Variants in ST8SIA2 observed in about 807,000 individuals in gnomAD.
ST8SIA2 encodes the protein ST8 alpha-N-acetyl-neuraminide alpha-2,8-sialyltransferase 2.
Under a neutral mutation model 37.6 loss-of-function variants are expected in ST8SIA2, and 22 were observed. That is an observed-to-expected ratio of 0.58 (90% CI 0.42 to 0.83). ST8SIA2 has a LOEUF of 0.83. Among genes scored for constraint, ST8SIA2 ranks in the 40% least tolerant of loss-of-function variants. ST8SIA2 has a pLI of 0.00. For synonymous variants in ST8SIA2, 205 were observed against 201.2 expected, an observed-to-expected ratio of 1.02 and a Z score of -0.16; for missense variants, 382 against 484.7, an observed-to-expected ratio of 0.79 and a Z score of 1.99.
chr15:92,397,871 G>A (rs1344936629), intron 1 of ST8SIA2, among the ~76,000 whole-genome samples: 2 of 152,340 alleles, frequency 1.3e-5, no homozygotes, highest in Middle Eastern at 3.4e-3. Context: ...GGTGGCTCAC[G>A]CCTGTAATCC....
chr15:92,423,990 G>A (rs2049655852), intron 1 of ST8SIA2, among the ~76,000 whole-genome samples: 1 of 152,172 alleles, frequency 6.6e-6, no homozygotes, highest in South Asian at 2.1e-4. Flanking sequence ...TCCTGTCCAT[G>A]TGTCCTTGGA....
At chr15:92,403,105 A>G (rs1441268945) in intron 1 of ST8SIA2, among the ~76,000 whole-genome samples, 1 of 152,130 alleles carries the variant, frequency 6.6e-6, no homozygotes, top group African/African-American at 2.4e-5. Context: ...CTGTAACCAC[A>G]TTCTGCTGAG....
At chr15:92,462,974 T>G (rs1406467725) in intron 5 of ST8SIA2, among the ~76,000 whole-genome samples, 1 of 152,240 alleles carries the variant, frequency 6.6e-6, no homozygotes, top group East Asian at 1.9e-4. Context: ...CTAGATTTTC[T>G]TGGAATGTTG....
chr15:92,411,307 G>A (rs940152083), intron 1 of ST8SIA2, among the ~76,000 whole-genome samples: 1 of 152,166 alleles, frequency 6.6e-6, no homozygotes, highest in African/African-American at 2.4e-5. Context: ...CGATGCATCA[G>A]TTGCTTGGAG....
In ST8SIA2 at chr15:92,411,404, T is replaced by C. The variant is rs965263678; in HGVS notation, c.98+17242T>C. On this transcript the variant is annotated intron_variant, in intron 1 of 5. Transcript: ENST00000268164. ...AAAGGAAGAGGGAGTTAGGAAGCCA[T>C]GGTTATGAAGAAGAAATGACAGCTC... 2.0e-5 allele frequency among the ~76,000 whole-genome samples: 3 copies of C among 151,754 alleles called. No homozygotes were observed. In the South Asian group the frequency reaches 6.3e-4, roughly 32 times the overall value.
Position 92,461,162 on chromosome 15 carries a change from C to A in ST8SIA2, c.843-2938C>A, listed in dbSNP as rs956561831. On this transcript the variant is annotated intron_variant, in intron 5 of 5. Coordinates refer to ENST00000268164, the MANE Select transcript of ST8SIA2 (RefSeq NM_006011.4). ...ACGCAGCCTCCTAAAAATTCCAAGG[C>A]ATCTTGGGAGTTCTTGAGAGTGGCA... 2.6e-5 allele frequency among the ~76,000 whole-genome samples: 4 copies of A among 152,212 alleles called. No individual in the cohort carries two copies. In the South Asian group the frequency reaches 8.3e-4, roughly 32 times the overall value.
chr15:92,405,769 A>G (rs779751406), intron 1 of ST8SIA2, among the ~76,000 whole-genome samples: 2 of 152,224 alleles, frequency 1.3e-5, no homozygotes, highest in Non-Finnish European at 2.9e-5. Context: ...AGGTGGCCCA[A>G]ATACCCAACA....
chr15:92,453,631 G>T (rs2049898798), intron 5 of ST8SIA2, among the ~76,000 whole-genome samples: 1 of 152,192 alleles, frequency 6.6e-6, no homozygotes. Flanking sequence ...TTCTCTGCCT[G>T]GCCAGATCCC....
chr15:92,416,306 C>T (rs970757545), intron 1 of ST8SIA2, among the ~76,000 whole-genome samples: 2 of 151,532 alleles, frequency 1.3e-5, no homozygotes, highest in African/African-American at 4.9e-5. Flanking sequence ...GGGTGGCTGC[C>T]ATTCCCTGAG....
intron 1 of ST8SIA2, among the ~76,000 whole-genome samples, chr15:92,427,120 G>A (rs753779246): frequency 2.4e-4 from 36 of 152,088 alleles, no homozygotes; most frequent in South Asian, 6.2e-4. Flanking sequence ...AGTGTATGAG[G>A]TGATGGATAT....
intron 1 of ST8SIA2, among the ~76,000 whole-genome samples, chr15:92,412,421 AAAG>A (rs1332264577): frequency 2.6e-5 from 4 of 152,066 alleles, no homozygotes; most frequent in African/African-American, 9.6e-5. Context: ...GGTAAATTTT[AAAG>A]GAGGGAAGAT....
chr15:92,467,324 TG>T lies in ST8SIA2; in HGVS notation c.*2942del, dbSNP rs2049999743. On this transcript the variant is annotated 3_prime_UTR_variant, in exon 6 of 6. Coordinates refer to ENST00000268164, the MANE Select transcript of ST8SIA2 (RefSeq NM_006011.4). ...CACATCAGCACACACTGACTCCACCTGGGCTGGCTCCTGCCGCCTCTTCCCT... is the reference window on the plus strand; with the variant it reads ...CACATCAGCACACACTGACTCCACCTGGCTGGCTCCTGCCGCCTCTTCCCT... 6.5e-6 allele frequency: 1 copy of T among 153,666 alleles called. No homozygotes were observed. The highest frequency in any genetic ancestry group is 6.5e-5 in the Admixed American group (1 of 15,290). The allele number at this position is 153,666 out of a possible 1,614,324, so 9.5% of individuals were successfully genotyped here. A position where few individuals can be genotyped will look rare whatever the true frequency, so the allele number is the denominator to read the frequency against.
chr15:92,454,702 T>C (rs1302617406), intron 5 of ST8SIA2, among the ~76,000 whole-genome samples: 1 of 151,930 alleles, frequency 6.6e-6, no homozygotes, highest in Admixed American at 6.6e-5. Flanking sequence ...CAAGGCGGGC[T>C]TCAGCTGCCC....
intron 5 of ST8SIA2, among the ~76,000 whole-genome samples, chr15:92,463,801 G>GT (rs1328584799): frequency 9.2e-5 from 14 of 152,184 alleles, no homozygotes; most frequent in Non-Finnish European, 1.8e-4. Context: ...TTCTACCCAG[G>GT]TAACCTTGGG....
chr15:92,413,958 T>A (rs1043417947), intron 1 of ST8SIA2, among the ~76,000 whole-genome samples: 4 of 152,210 alleles, frequency 2.6e-5, no homozygotes, highest in African/African-American at 9.7e-5. Context: ...TGGGGGCTAA[T>A]AGGCTGTGAC....
intron 1 of ST8SIA2, among the ~76,000 whole-genome samples, chr15:92,416,009 G>C (rs1226247357): frequency 2.0e-5 from 3 of 152,168 alleles, no homozygotes; most frequent in African/African-American, 4.8e-5. Context: ...AAAGCTGCAG[G>C]GGTCGGTAAG....
chr15:92,412,257 C>A (rs1433606042), intron 1 of ST8SIA2, among the ~76,000 whole-genome samples: 1 of 149,966 alleles, frequency 6.7e-6, no homozygotes, highest in Non-Finnish European at 1.5e-5. Flanking sequence ...GTAAAAATAA[C>A]TAAAGAAATG....
At chr15:92,456,180 G>A (rs183231891) in intron 5 of ST8SIA2, among the ~76,000 whole-genome samples, 30 of 152,366 alleles carry the variant, frequency 2.0e-4, no homozygotes, top group East Asian at 9.6e-4. Context: ...GGCCCGCCAT[G>A]TAGCAGGAAA....
At chr15:92,451,579 A>G (rs988965965) in intron 5 of ST8SIA2, among the ~76,000 whole-genome samples, 15 of 152,254 alleles carry the variant, frequency 9.9e-5, no homozygotes, top group Middle Eastern at 3.4e-3. Context: ...GAAAGCAGAC[A>G]TCCTTGGGTG....
Sources: gnomAD v4.1 joint callset for allele counts (sites outside exome capture counted in the v4.1 genomes callset) on GRCh38, gnomAD v4.1.1 for gene constraint, MANE v1.5 for transcripts, NCBI Gene and HGNC (gene_info 2026-07-23, HGNC 2026-07-21) for gene names.